MIGA1: variants seen among roughly 807,000 people sequenced by gnomAD.
MIGA1 encodes mitoguardin 1.
MIGA1 carries 58 observed loss-of-function variants against 82.0 expected under a neutral mutation model. The observed-to-expected ratio is 0.71, with a 90% CI of 0.57 to 0.88. The LOEUF is 0.88. Ranked by LOEUF, MIGA1 falls within the 40% of genes least tolerant of loss-of-function variation. The probability of loss-of-function intolerance (pLI) is 0.00; values close to 1 mark genes in which losing one functional copy is unlikely to be tolerated. For missense variants in MIGA1, 751 were observed against 749.1 expected, an observed-to-expected ratio of 1.00 and a Z score of -0.03; for synonymous variants, 249 against 253.6, an observed-to-expected ratio of 0.98 and a Z score of 0.17.
chr1:77,796,145 G>A (rs932288821), intron 2 of MIGA1, among the ~76,000 whole-genome samples: 1 of 148,218 alleles, frequency 6.7e-6, no homozygotes, highest in African/African-American at 2.5e-5. Flanking sequence ...TTGAGATGGA[G>A]TCTCTCTCTG....
At chr1:77,853,710 C>CA in intron 8 of MIGA1, 3 of 277,868 alleles carry the variant, frequency 1.1e-5, no homozygotes, top group South Asian at 8.8e-5. Flanking sequence ...AAACAAACAA[C>CA]ACACACACAC....
chr1:77,856,164 T>C (rs1685248104), intron 8 of MIGA1, among the ~76,000 whole-genome samples: 1 of 152,216 alleles, frequency 6.6e-6, no homozygotes, highest in African/African-American at 2.4e-5. Flanking sequence ...GTGATTTTTG[T>C]TTTTAATTCT....
intron 12 of MIGA1, among the ~76,000 whole-genome samples, chr1:77,862,707 G>A (rs759492507): frequency 1.3e-4 from 20 of 151,742 alleles, no homozygotes; most frequent in African/African-American, 4.4e-4. Flanking sequence ...TTGGGAGGCC[G>A]AGGCGGGCAG....
intron 7 of MIGA1, among the ~76,000 whole-genome samples, chr1:77,830,296 T>C (rs1684194722): frequency 6.6e-6 from 1 of 152,216 alleles, no homozygotes; most frequent in South Asian, 2.1e-4. Context: ...ATCTTCTTCA[T>C]AAATGTCTTA....
At chr1:77,853,800 G>C (rs772620037) in intron 8 of MIGA1, 2 of 261,140 alleles carry the variant, frequency 7.7e-6, no homozygotes, top group Admixed American at 7.9e-5. Flanking sequence ...GTTGGATCAG[G>C]CTCTAAAGGA....
In MIGA1 at chr1:77,783,237, G is replaced by T; in HGVS notation, c.82-1G>T. ...TTTTTTTTATGTTTCATTTAATGAA[G>T]ATTAGAAGAGGAGCCATGTCAGAAG... On this transcript the variant is annotated splice_acceptor_variant, in intron 1 of 15. Coordinates refer to ENST00000370791, the MANE Select transcript of MIGA1 (RefSeq NM_198549.4). LOFTEE classifies it high-confidence loss of function. 1 of 1,572,114 alleles carries T rather than the reference G, an allele frequency of 6.4e-7. No homozygotes were observed.
At chr1:77,826,184 C>CA (rs1452904543) in intron 7 of MIGA1, among the ~76,000 whole-genome samples, 1 of 152,076 alleles carries the variant, frequency 6.6e-6, no homozygotes, top group African/African-American at 2.4e-5. Context: ...CTGCAGACAA[C>CA]ATTCTTTTTT....
chr1:77,803,472 TAAG>T (rs1682968458), intron 4 of MIGA1, 66 bp downstream of exon 4: 1 of 660,370 alleles, frequency 1.5e-6, no homozygotes, highest in Non-Finnish European at 2.3e-6. Context: ...TCTATTAGTT[TAAG>T]TGTCATATAC....
At chr1:77,792,678 T>C (rs972583494) in intron 2 of MIGA1, among the ~76,000 whole-genome samples, 12 of 152,224 alleles carry the variant, frequency 7.9e-5, no homozygotes, top group Admixed American at 3.3e-4. Flanking sequence ...TGGCTAATGA[T>C]GTTGAACATC....
chr1:77,794,154 G>A (rs1682557528), intron 2 of MIGA1, among the ~76,000 whole-genome samples: 1 of 152,050 alleles, frequency 6.6e-6, no homozygotes, highest in African/African-American at 2.4e-5. Context: ...TAGAATTCTC[G>A]TGTATGCTTT....
intron 14 of MIGA1, among the ~76,000 whole-genome samples, chr1:77,869,906 G>T (rs1685865925): frequency 7.7e-6 from 1 of 130,312 alleles, no homozygotes; most frequent in African/African-American, 3.0e-5. Flanking sequence ...GGCTGGCCGG[G>T]CGGGGGGCTG....
intron 8 of MIGA1, chr1:77,847,575 G>A (rs1684891892): frequency 1.1e-5 from 17 of 1,514,272 alleles, no homozygotes; most frequent in Non-Finnish European, 4.6e-6. Flanking sequence ...TGTGACATCT[G>A]CATATAAGAA....
intron 7 of MIGA1, among the ~76,000 whole-genome samples, chr1:77,822,839 T>G (rs1435356074): frequency 6.7e-6 from 1 of 148,808 alleles, no homozygotes; most frequent in East Asian, 1.9e-4. Context: ...CAGCATGTTT[T>G]TTTTTTTTTT....
chr1:77,847,822 A>G, intron 8 of MIGA1: 1 of 1,606,088 alleles, frequency 6.2e-7, no homozygotes, highest in East Asian at 2.2e-5. Flanking sequence ...ATACCACAAG[A>G]GAAATGCATT....
intron 7 of MIGA1, among the ~76,000 whole-genome samples, chr1:77,815,803 C>A (rs561576017): frequency 2.6e-4 from 40 of 152,268 alleles, no homozygotes; most frequent in African/African-American, 8.9e-4. Flanking sequence ...GATCACAGCT[C>A]ACTGCAGCCT....
intron 7 of MIGA1, among the ~76,000 whole-genome samples, chr1:77,818,236 G>A (rs567238016): frequency 6.6e-6 from 1 of 151,574 alleles, no homozygotes; most frequent in Non-Finnish European, 1.5e-5. Context: ...CGATTCTCCT[G>A]CCTCAGCCTC....
chr1:77,803,398 T>A lies in MIGA1; in HGVS notation c.502T>A (p.Leu168Met). 2 of 1,511,606 alleles carry A rather than the reference T, an allele frequency of 1.3e-6. No homozygotes were observed. The highest frequency in any genetic ancestry group is 1.8e-6 in the Non-Finnish European group (2 of 1,130,586). 93.6% of individuals were successfully genotyped at this position (1,511,606 alleles called of 1,614,324 possible). ...TAAATATTCAGGTTCTGCACAGAGT[T>A]TGGCCTCTGTAAGTACAGAAAAAAT... Residue 168 changes from leucine (L) to methionine (M), a missense_variant, in exon 4 of 16, where the codon TTG becomes ATG. This residue lies in a region of MIGA1 where 482 missense variants were observed against 439.4 expected (regional missense o/e 1.10). Transcript: ENST00000370791.
chr1:77,838,392 C>T (rs988878280), intron 7 of MIGA1, among the ~76,000 whole-genome samples: 1 of 151,768 alleles, frequency 6.6e-6, no homozygotes, highest in African/African-American at 2.4e-5. Context: ...CTCTGTCACC[C>T]AGGCTGGAGT....
chr1:77,864,075 G>A, intron 13 of MIGA1, 47 bp downstream of exon 13: 1 of 1,587,102 alleles, frequency 6.3e-7, no homozygotes, highest in East Asian at 2.3e-5. Flanking sequence ...TGATTAAAAA[G>A]TGAGGCTGGG....
Sources: allele counts gnomAD v4.1 joint callset (sites outside exome capture counted in the v4.1 genomes callset), GRCh38; gene constraint gnomAD v4.1.1; regional missense constraint gnomAD v4.1.1; transcripts MANE v1.5; gene names NCBI Gene and HGNC (gene_info 2026-07-23, HGNC 2026-07-21).